Variants in NUDT19 observed in about 807,000 individuals in gnomAD.
The protein encoded by NUDT19 is nudix hydrolase 19, also known as acyl-coenzyme A diphosphatase NUDT19.
A neutral mutation model predicts 22.2 loss-of-function variants in NUDT19; 31 were observed. The observed-to-expected ratio is 1.40, with a 90% CI of 1.05 to 1.89. NUDT19 has a LOEUF of 1.89. Among genes scored for constraint, NUDT19 ranks in the 40% most tolerant of loss-of-function variants. The pLI, the probability that NUDT19 is intolerant of heterozygous loss-of-function variation, is 0.00. For missense variants in NUDT19, 752 were observed against 514.2 expected (o/e 1.46, Z -4.47); for synonymous variants, 325 against 230.8 (o/e 1.41, Z -3.70).
In NUDT19 at chr19:32,712,224, G is replaced by C; in HGVS notation, c.*267G>C. 3.3e-6 allele frequency: 1 copy of C among 305,398 alleles called. No individual in the cohort carries two copies. Among genetic ancestry groups the C allele is most frequent in the Non-Finnish European group, 6.0e-6 (1 of 165,786 alleles). 18.9% of individuals were successfully genotyped at this position (305,398 alleles called of 1,614,324 possible). A position where few individuals can be genotyped will look rare whatever the true frequency, so the allele number is the denominator to read the frequency against. On this transcript the variant is annotated 3_prime_UTR_variant, in exon 3 of 3. Coordinates refer to ENST00000397061, the MANE Select transcript of NUDT19 (RefSeq NM_001105570.2). ...CGAGTAGCTGGGACTACAGGCGCCC[G>C]CCACCATGCCCAGCTAATTTTTTTT... is the stretch of plus-strand genomic sequence containing the variant.
chr19:32,693,934 G>A (rs556568952), intron 1 of NUDT19, among the ~76,000 whole-genome samples: 1 of 152,298 alleles, frequency 6.6e-6, no homozygotes, highest in South Asian at 2.1e-4. Context: ...GCTGGACAGG[G>A]GCAAAGAAGG....
chr19:32,708,498 C>G (rs1968411998), intron 1 of NUDT19, among the ~76,000 whole-genome samples: 1 of 151,854 alleles, frequency 6.6e-6, no homozygotes, highest in African/African-American at 2.4e-5. Flanking sequence ...ATCTAAATGT[C>G]TATGGAAAGA....
Position 32,691,989 on chromosome 19 carries a change from G to A in NUDT19, c.29G>A (p.Ser10Asn). 8.1e-7 allele frequency: 1 copy of A among 1,235,198 alleles called. No individual in the cohort carries two copies. Among genetic ancestry groups the A allele is most frequent in the East Asian group, 3.2e-5 (1 of 30,970 alleles). The allele number at this position is 1,235,198 out of a possible 1,614,324, so 76.5% of individuals were successfully genotyped here. A position where few individuals can be genotyped will look rare whatever the true frequency, so the allele number is the denominator to read the frequency against. ...AGCAGCTCCCTGCGGCCGGGCCCCA[G>A]CCGCTGGCGGCGGGCGGCCAGCATC... Reference protein sequence around the residue: MSSSLRPGPSRWRRAASIVL... With the variant: MSSSLRPGPNRWRRAASIVL... Residue 10 changes from serine to asparagine, a missense_variant, in exon 1 of 3, where the codon AGC becomes AAC. By Grantham distance (46) the Ser-to-Asn change is conservative. Coordinates refer to ENST00000397061, the MANE Select transcript of NUDT19 (RefSeq NM_001105570.2).
chr19:32,691,906 C>A lies in NUDT19; in HGVS notation c.-55C>A. The A allele has an allele frequency of 9.5e-7, 1 of 1,055,814 alleles. No homozygotes were observed. Among genetic ancestry groups the A allele is most frequent in the Non-Finnish European group, 1.2e-6 (1 of 834,532 alleles). The allele number at this position is 1,055,814 out of a possible 1,614,324, so 65.4% of individuals were successfully genotyped here. On this transcript the variant is annotated 5_prime_UTR_variant, in exon 1 of 3. Transcript: ENST00000397061. ...GTGCTGGGGTCCCTGCAGGGCCGGG[C>A]CACCTGCCGTGGAGCTCAGGCCGCG...
intron 1 of NUDT19, among the ~76,000 whole-genome samples, chr19:32,708,642 C>T (rs1252663068): frequency 6.6e-6 from 1 of 152,164 alleles, no homozygotes; most frequent in Admixed American, 6.6e-5. Flanking sequence ...TTCCTGAAAG[C>T]TGCTGTTGCT....
intron 1 of NUDT19, among the ~76,000 whole-genome samples, chr19:32,706,807 T>C (rs1968392085): frequency 6.6e-6 from 1 of 152,204 alleles, no homozygotes; most frequent in Non-Finnish European, 1.5e-5. Flanking sequence ...ACTTCCTTGA[T>C]TTCATGCGTC....
At chr19:32,707,290 GCT>G (rs1411476275) in intron 1 of NUDT19, among the ~76,000 whole-genome samples, 1 of 152,112 alleles carries the variant, frequency 6.6e-6, no homozygotes, top group African/African-American at 2.4e-5. Flanking sequence ...GAGGCCCAGG[GCT>G]CTGTTTTTTA....
In NUDT19 at chr19:32,713,011, G is replaced by A. The variant is rs1014102927; in HGVS notation, c.*1054G>A. ...CTTATTAGATGATGAAAAGTTGGCT[G>A]AGACACCCTTCAAGTGACCATGTCA... On this transcript the variant is annotated 3_prime_UTR_variant, in exon 3 of 3. Coordinates refer to ENST00000397061, the MANE Select transcript of NUDT19 (RefSeq NM_001105570.2). 6.6e-6 allele frequency: 1 copy of A among 152,116 alleles called. No individual in the cohort carries two copies. The highest frequency in any genetic ancestry group is 2.4e-5 in the African/African-American group (1 of 41,424). 9.4% of individuals were successfully genotyped at this position (152,116 alleles called of 1,614,324 possible).
At chr19:32,708,847 T>C (rs8113684) in intron 1 of NUDT19, among the ~76,000 whole-genome samples, 52,405 of 152,010 alleles carry the variant, frequency 0.34, 9,090 homozygotes, top group Middle Eastern at 0.4. Flanking sequence ...GAGTTTACCC[T>C]TCAGAGTCTT....
intron 1 of NUDT19, among the ~76,000 whole-genome samples, chr19:32,698,696 C>T (rs573524806): frequency 1.3e-5 from 2 of 152,150 alleles, no homozygotes; most frequent in Admixed American, 1.3e-4. Context: ...TCTCCTAGAC[C>T]ACAAGGAGGA....
intron 1 of NUDT19, among the ~76,000 whole-genome samples, chr19:32,700,322 CT>C (rs57481283): frequency 1.3e-5 from 2 of 152,272 alleles, no homozygotes; most frequent in African/African-American, 4.8e-5. Flanking sequence ...ATTTACAAAC[CT>C]TTAGCTAGAC....
chr19:32,705,848 G>A (rs767975011), intron 1 of NUDT19, among the ~76,000 whole-genome samples: 3 of 152,056 alleles, frequency 2.0e-5, no homozygotes, highest in Admixed American at 6.6e-5. Flanking sequence ...GCCTCCCAAA[G>A]TGCTGGGATT....
chr19:32,695,303 T>C (rs7257113), intron 1 of NUDT19, among the ~76,000 whole-genome samples: 91,034 of 151,974 alleles, frequency 0.6, 28,381 homozygotes, highest in East Asian at 0.83. Flanking sequence ...CCTCAGCCTC[T>C]GGAGTAGCTG....
At chr19:32,711,346 C>G (rs989342898) in intron 2 of NUDT19, among the ~76,000 whole-genome samples, 1 of 151,982 alleles carries the variant, frequency 6.6e-6, no homozygotes, top group Non-Finnish European at 1.5e-5. Flanking sequence ...ACCTGTGATC[C>G]CAGTTACTCG....
In NUDT19 at chr19:32,692,226, T is replaced by C. The variant is rs947596400; in HGVS notation, c.266T>C (p.Phe89Ser). 2 of 1,585,392 alleles carry C rather than the reference T, an allele frequency of 1.3e-6. No homozygotes were observed. Among genetic ancestry groups the C allele is most frequent in the East Asian group, 4.6e-5 (2 of 43,434 alleles). The change falls in exon 1 of 3, where the codon TTC becomes TCC. Residue 89 changes from phenylalanine (F) to serine (S), a missense_variant. Coordinates refer to ENST00000397061, the MANE Select transcript of NUDT19 (RefSeq NM_001105570.2). ...LFAPHHGPPR[F>S]GLGPAPFSRT... is the part of the protein sequence containing the mutation. ...GCGCCGCACCACGGGCCGCCGCGCT[T>C]CGGCCTGGGCCCGGCGCCATTCAGC...
At chr19:32,702,891 C>T (rs1360227456) in intron 1 of NUDT19, among the ~76,000 whole-genome samples, 2 of 152,152 alleles carry the variant, frequency 1.3e-5, no homozygotes, top group African/African-American at 4.8e-5. Flanking sequence ...AGAGTTAGAA[C>T]CTTGCAGCAA....
At chr19:32,708,686 CACA>C (rs1968413949) in intron 1 of NUDT19, among the ~76,000 whole-genome samples, 1 of 152,146 alleles carries the variant, frequency 6.6e-6, no homozygotes, top group Admixed American at 6.6e-5. Context: ...CCATGTGGCA[CACA>C]TCACCACATC....
At chr19:32,705,499 A>G (rs1355879757) in intron 1 of NUDT19, among the ~76,000 whole-genome samples, 1 of 152,034 alleles carries the variant, frequency 6.6e-6, no homozygotes, top group East Asian at 1.9e-4. Flanking sequence ...AAATTACCTT[A>G]ATTGTCTTGA....
At chr19:32,706,544 G>A (rs567354569) in intron 1 of NUDT19, among the ~76,000 whole-genome samples, 1 of 152,274 alleles carries the variant, frequency 6.6e-6, no homozygotes, top group Admixed American at 6.5e-5. Flanking sequence ...TTAGCCAGGT[G>A]TAGTGGCAAA....
Sources: gnomAD v4.1 joint callset for allele counts (sites outside exome capture counted in the v4.1 genomes callset) on GRCh38, gnomAD v4.1.1 for gene constraint, MANE v1.5 for transcripts, NCBI Gene and HGNC (gene_info 2026-07-23, HGNC 2026-07-21) for gene names.